Variants in ENTPD1 observed in about 807,000 individuals in gnomAD.
ENTPD1 encodes ectonucleoside triphosphate diphosphohydrolase 1.
A neutral mutation model predicts 57.0 loss-of-function variants in ENTPD1; 33 were observed. The ratio of observed to expected loss-of-function variants is 0.58; its 90% CI spans 0.44 to 0.77. ENTPD1 has a LOEUF of 0.77. Among genes scored for constraint, ENTPD1 ranks in the 30% least tolerant of loss-of-function variants. The pLI is 0.00. For missense variants in ENTPD1, 501 were observed against 603.4 expected (o/e 0.83, Z 1.78); for synonymous variants, 202 against 218.8 (o/e 0.92, Z 0.68).
rs2098483979 is a variant in ENTPD1, at chr10:95,874,656, C to A, written c.*8273C>A. ...CCCCAACAGGGACTCTGTGTGGGGG[C>A]TCTGCCCCACATTTCCCTTCCACAC... On this transcript the variant is annotated 3_prime_UTR_variant, in exon 10 of 10. Coordinates refer to ENST00000371205, the MANE Select transcript of ENTPD1 (RefSeq NM_001776.6). Among the ~76,000 whole-genome samples the A allele has an allele frequency of 6.6e-6, 1 of 152,226 alleles. No individual in the cohort carries two copies. The highest frequency in any genetic ancestry group is 1.5e-5 in the Non-Finnish European group (1 of 68,036).
chr10:95,789,313 T>C (rs2098193484), intron 1 of ENTPD1, among the ~76,000 whole-genome samples: 1 of 152,170 alleles, frequency 6.6e-6, no homozygotes, highest in African/African-American at 2.4e-5. Context: ...TCCAGGAAAC[T>C]CAGTATGAGT....
At chr10:95,743,607 C>A (rs1255779196) in intron 1 of ENTPD1, among the ~76,000 whole-genome samples, 1 of 152,060 alleles carries the variant, frequency 6.6e-6, no homozygotes, top group Admixed American at 6.5e-5. Context: ...CATAAATACA[C>A]TAATAGTCTA....
At chr10:95,722,956 C>A (rs1448868123) in intron 1 of ENTPD1, among the ~76,000 whole-genome samples, 1 of 152,208 alleles carries the variant, frequency 6.6e-6, no homozygotes, top group Non-Finnish European at 1.5e-5. Context: ...GGTGTGCTCA[C>A]AATGAGGTTT....
At chr10:95,766,137 CT>C (rs2098087504) in intron 1 of ENTPD1, among the ~76,000 whole-genome samples, 1 of 152,120 alleles carries the variant, frequency 6.6e-6, no homozygotes, top group South Asian at 2.1e-4. Context: ...TCTCTCTTCC[CT>C]TTTATATCTC....
intron 2 of ENTPD1, among the ~76,000 whole-genome samples, chr10:95,833,352 CTAAT>C (rs2098401977): frequency 6.6e-6 from 1 of 152,002 alleles, no homozygotes; most frequent in South Asian, 2.1e-4. Flanking sequence ...TCTAGTAACT[CTAAT>C]TAAAGAAAAA....
chr10:95,795,091 T>A (rs2098220815), intron 1 of ENTPD1, among the ~76,000 whole-genome samples: 1 of 152,120 alleles, frequency 6.6e-6, no homozygotes, highest in Non-Finnish European at 1.5e-5. Context: ...AGCAGATTGA[T>A]GATAGGTAAG....
intron 2 of ENTPD1, among the ~76,000 whole-genome samples, chr10:95,837,348 T>C (rs983240393): frequency 5.3e-5 from 8 of 152,206 alleles, no homozygotes; most frequent in African/African-American, 1.9e-4. Context: ...TTCTGCCATG[T>C]GTAATTCCTG....
At chr10:95,851,733 T>C (rs2098445627) in intron 7 of ENTPD1, among the ~76,000 whole-genome samples, 1 of 152,046 alleles carries the variant, frequency 6.6e-6, no homozygotes. Flanking sequence ...TCCAGCTCCA[T>C]CCATGTCCCT....
chr10:95,839,548 A>T (rs1251747536), intron 2 of ENTPD1, 143 bp from the exon 3 acceptor site: 11 of 811,964 alleles, frequency 1.4e-5, no homozygotes, highest in Non-Finnish European at 2.2e-5. Context: ...TTGTGATCGG[A>T]GTGACTCCAG....
chr10:95,832,354 T>C (rs2098399065), intron 2 of ENTPD1, among the ~76,000 whole-genome samples: 1 of 152,078 alleles, frequency 6.6e-6, no homozygotes, highest in African/African-American at 2.4e-5. Context: ...GCCACTGAAG[T>C]CTGTGAACCA....
chr10:95,775,371 A>G (rs546223825), intron 1 of ENTPD1, among the ~76,000 whole-genome samples: 2 of 152,300 alleles, frequency 1.3e-5, no homozygotes, highest in Non-Finnish European at 2.9e-5. Flanking sequence ...TATGTTGAAT[A>G]GGAGTGGTGA....
At chr10:95,787,262 G>A (rs979071081) in intron 1 of ENTPD1, among the ~76,000 whole-genome samples, 2 of 152,128 alleles carry the variant, frequency 1.3e-5, no homozygotes, top group African/African-American at 4.8e-5. Context: ...AGTATTCCAA[G>A]CTTTATTTTG....
intron 7 of ENTPD1, among the ~76,000 whole-genome samples, chr10:95,851,796 A>G (rs1196166841): frequency 1.3e-5 from 2 of 152,006 alleles, no homozygotes; most frequent in East Asian, 1.9e-4. Context: ...TCCATGGTGT[A>G]TATGTGCCAC....
intron 1 of ENTPD1, among the ~76,000 whole-genome samples, chr10:95,724,250 C>G (rs2097981254): frequency 1.4e-5 from 2 of 147,294 alleles, no homozygotes; most frequent in African/African-American, 5.0e-5. Flanking sequence ...TCGTTTTTAA[C>G]TGGCCAACAG....
At chr10:95,704,934 C>T in the ENTPD1 span, among the ~76,000 whole-genome samples, 11 of 151,578 alleles carry the variant, frequency 7.3e-5, no homozygotes, top group African/African-American at 9.7e-5. Context: ...ACCCAGAATA[C>T]GTAAAGAATC....
At chr10:95,712,284 T>A (rs945407876) in intron 1 of ENTPD1, among the ~76,000 whole-genome samples, 5 of 152,202 alleles carry the variant, frequency 3.3e-5, no homozygotes, top group African/African-American at 1.2e-4. Context: ...CCCCATAAAC[T>A]CTCTATTTGA....
intron 1 of ENTPD1, among the ~76,000 whole-genome samples, chr10:95,776,637 C>T (rs2098135189): frequency 6.6e-6 from 1 of 152,112 alleles, no homozygotes; most frequent in South Asian, 2.1e-4. Flanking sequence ...CAAGGAGTAT[C>T]TTTATGGTGT....
chr10:95,871,554 C>T lies in ENTPD1; in HGVS notation c.*5171C>T, dbSNP rs2098480447. 3.0e-6 allele frequency: 3 copies of T among 985,286 alleles called. No individual in the cohort carries two copies. Among genetic ancestry groups the T allele is most frequent in the Admixed American group, 6.1e-5 (1 of 16,264 alleles). 61.0% of individuals were successfully genotyped at this position (985,286 alleles called of 1,614,324 possible). On this transcript the variant is annotated 3_prime_UTR_variant, in exon 10 of 10. Coordinates refer to ENST00000371205, the MANE Select transcript of ENTPD1 (RefSeq NM_001776.6). ...TACAACTGAACACAATCAGTTTTAT[C>T]ACAGGTATAATGGATTTTTCAATAG...
intron 2 of ENTPD1, among the ~76,000 whole-genome samples, chr10:95,824,258 T>G (rs1189168125): frequency 6.6e-6 from 1 of 152,212 alleles, no homozygotes; most frequent in Non-Finnish European, 1.5e-5. Context: ...GGCAGTAATA[T>G]ATCTAGAAGT....
Sources: gnomAD v4.1 joint callset for allele counts (sites outside exome capture counted in the v4.1 genomes callset) on GRCh38, gnomAD v4.1.1 for gene constraint, MANE v1.5 for transcripts, NCBI Gene and HGNC (gene_info 2026-07-23, HGNC 2026-07-21) for gene names.